Variants in GLI3 observed in about 807,000 individuals in gnomAD.
GLI3 encodes GLI family zinc finger 3.
GLI3 carries 20 observed loss-of-function variants against 100.8 expected under a neutral mutation model. That is an observed-to-expected ratio of 0.20 (90% CI 0.14 to 0.29). GLI3 has a LOEUF of 0.29. Ranked by LOEUF, GLI3 falls within the 10% of genes least tolerant of loss-of-function variation. GLI3 has a pLI of 1.00. For missense variants in GLI3, 2,040 were observed against 2,128.5 expected (o/e 0.96, Z 0.82); for synonymous variants, 938 against 860.5 (o/e 1.09, Z -1.58).
intron 3 of GLI3, among the ~76,000 whole-genome samples, chr7:42,117,713 C>A (rs779782053): frequency 2.0e-5 from 3 of 152,188 alleles, no homozygotes; most frequent in Non-Finnish European, 4.4e-5. Flanking sequence ...AGCACATGAA[C>A]CTCCTTCTAG....
intron 7 of GLI3, among the ~76,000 whole-genome samples, chr7:42,026,965 C>A (rs190827325): frequency 3.0e-4 from 45 of 152,264 alleles, no homozygotes; most frequent in Admixed American, 5.2e-4. Context: ...CCATCAGTGC[C>A]GTCTGGTTAC....
intron 3 of GLI3, among the ~76,000 whole-genome samples, chr7:42,144,646 A>G (rs765132972): frequency 6.6e-6 from 1 of 152,206 alleles, no homozygotes; most frequent in Non-Finnish European, 1.5e-5. Flanking sequence ...CTTGTGCAAT[A>G]AAAATTTTAC....
chr7:42,065,246 A>C (rs1784650956), intron 4 of GLI3, among the ~76,000 whole-genome samples: 1 of 148,786 alleles, frequency 6.7e-6, no homozygotes, highest in Non-Finnish European at 1.5e-5. Flanking sequence ...TAATACTTTT[A>C]AATTATTATT....
intron 10 of GLI3, among the ~76,000 whole-genome samples, chr7:42,015,769 G>T (rs1239886834): frequency 4.0e-5 from 6 of 151,424 alleles, no homozygotes; most frequent in African/African-American, 1.5e-4. Flanking sequence ...CCACACATAG[G>T]TATATTTAAG....
intron 3 of GLI3, among the ~76,000 whole-genome samples, chr7:42,113,154 G>C (rs1785756637): frequency 6.6e-6 from 1 of 152,166 alleles, no homozygotes; most frequent in Non-Finnish European, 1.5e-5. Flanking sequence ...TCCAGCCTGG[G>C]CGACAGAGCG....
intron 10 of GLI3, among the ~76,000 whole-genome samples, chr7:41,984,577 T>G (rs1787761809): frequency 6.6e-6 from 1 of 152,212 alleles, no homozygotes; most frequent in African/African-American, 2.4e-5. Flanking sequence ...GATACACACC[T>G]GGCTGCCTCA....
chr7:42,034,392 TA>T (rs1460755114), intron 7 of GLI3, among the ~76,000 whole-genome samples: 1 of 152,162 alleles, frequency 6.6e-6, no homozygotes, highest in Non-Finnish European at 1.5e-5. Flanking sequence ...TCTGTAAAAT[TA>T]AACAGCCTTG....
chr7:42,132,571 G>GA (rs200174474), intron 3 of GLI3, among the ~76,000 whole-genome samples: 20 of 151,450 alleles, frequency 1.3e-4, no homozygotes, highest in South Asian at 8.4e-4. Flanking sequence ...ATCGCATATA[G>GA]AAAAAAAAAG....
chr7:42,013,636 G>A (rs1364593225), intron 10 of GLI3, among the ~76,000 whole-genome samples: 3 of 152,096 alleles, frequency 2.0e-5, no homozygotes, highest in Non-Finnish European at 2.9e-5. Flanking sequence ...GCCTCCCAAA[G>A]TGCTGGGATT....
At chr7:42,132,672 C>T (rs1786321164) in intron 3 of GLI3, among the ~76,000 whole-genome samples, 1 of 152,182 alleles carries the variant, frequency 6.6e-6, no homozygotes, top group Admixed American at 6.5e-5. Context: ...AGGAAGAATT[C>T]TAGTAACATC....
chr7:41,987,636 GT>G (rs899662301), intron 10 of GLI3, among the ~76,000 whole-genome samples: 1 of 152,188 alleles, frequency 6.6e-6, no homozygotes, highest in Non-Finnish European at 1.5e-5. Flanking sequence ...GTGCAGAGTT[GT>G]TAACAGAACA....
chr7:42,040,356 C>A (rs1784108834), intron 6 of GLI3, 117 bp from the exon 7 acceptor site: 2 of 759,838 alleles, frequency 2.6e-6, no homozygotes. Context: ...CTTGCGGTGA[C>A]AAGCACCTCT....
intron 10 of GLI3, among the ~76,000 whole-genome samples, chr7:42,013,445 T>C (rs1788673098): frequency 6.6e-6 from 1 of 151,680 alleles, no homozygotes; most frequent in African/African-American, 2.4e-5. Context: ...CAGGCTGGAG[T>C]ACAGTGGTGC....
At chr7:42,207,987 G>A (rs1002514233) in intron 2 of GLI3, among the ~76,000 whole-genome samples, 5 of 152,126 alleles carry the variant, frequency 3.3e-5, no homozygotes, top group African/African-American at 4.8e-5. Flanking sequence ...GCAAAACCCC[G>A]TCTCTACTAA....
chr7:42,055,065 G>GTATACATATATGTGTATATATACATA (rs1784427467), intron 4 of GLI3, among the ~76,000 whole-genome samples: 1 of 80,576 alleles, frequency 1.2e-5, no homozygotes, highest in Non-Finnish European at 2.8e-5. Context: ...ACACATATAT[G>GTATACATATATGTGTATATATACATA]TATACATATA....
At chr7:42,071,395 A>C (rs1043413548) in intron 4 of GLI3, among the ~76,000 whole-genome samples, 1 of 152,104 alleles carries the variant, frequency 6.6e-6, no homozygotes, top group Non-Finnish European at 1.5e-5. Flanking sequence ...AAATATTCCA[A>C]ACTAGTTTTG....
At position 41,964,315 on chromosome 7, in the gene GLI3, T is replaced by C. The variant is rs1787096872; in HGVS notation, c.*15A>G. The C allele has an allele frequency of 1.2e-6, 2 of 1,607,030 alleles. No homozygotes were observed. The highest frequency in any genetic ancestry group is 1.7e-6 in the Non-Finnish European group (2 of 1,173,802). On this transcript the variant is annotated 3_prime_UTR_variant, in exon 15 of 15. Transcript: ENST00000395925. ...CTATTGATTTCCGTTGGTTGCAGTC[T>C]TTTTTTCCTAAAGCCTATTGCATAA...
Position 42,036,695 on chromosome 7 carries a change from C to A in GLI3, c.1028+3343G>T, listed in dbSNP as rs1052315782. ...ATTACTGATGCACTGCCAATACCAACAGCAAATTAGGTATTAGAAAACATG... is the reference window on the plus strand; with the variant it reads ...ATTACTGATGCACTGCCAATACCAAAAGCAAATTAGGTATTAGAAAACATG... On this transcript the variant is annotated intron_variant, in intron 7 of 14. Coordinates refer to ENST00000395925, the MANE Select transcript of GLI3 (RefSeq NM_000168.6). 3.3e-5 allele frequency among the ~76,000 whole-genome samples: 5 copies of A among 152,302 alleles called. No homozygotes were observed. In the East Asian group the frequency reaches 9.7e-4, roughly 29 times the overall value.
chr7:42,139,201 G>A (rs1436121100), intron 3 of GLI3, among the ~76,000 whole-genome samples: 2 of 151,924 alleles, frequency 1.3e-5, no homozygotes, highest in Admixed American at 1.3e-4. Context: ...AACACTGTAA[G>A]TGGAAATTAA....
Sources: allele counts gnomAD v4.1 joint callset (sites outside exome capture counted in the v4.1 genomes callset), GRCh38; gene constraint gnomAD v4.1.1; transcripts MANE v1.5; gene names NCBI Gene and HGNC (gene_info 2026-07-23, HGNC 2026-07-21).